Variants in LAMA3 observed in about 807,000 individuals in gnomAD.
LAMA3 encodes the protein laminin subunit alpha-3.
A neutral mutation model predicts 402.0 loss-of-function variants in LAMA3; 281 were observed. The ratio of observed to expected loss-of-function variants is 0.70; its 90% CI spans 0.63 to 0.77. The LOEUF is 0.77. Among genes scored for constraint, LAMA3 ranks in the 30% least tolerant of loss-of-function variants. LAMA3 has a pLI of 0.00. For synonymous variants in LAMA3, 1,431 were observed against 1,558.4 expected, an observed-to-expected ratio of 0.92 and a Z score of 1.93; for missense variants, 3,840 against 4,215.5, an observed-to-expected ratio of 0.91 and a Z score of 2.47.
chr18:23,755,374 C>G (rs2061825382), intron 6 of LAMA3, among the ~76,000 whole-genome samples: 1 of 152,212 alleles, frequency 6.6e-6, no homozygotes. Context: ...TGGTGAAAGG[C>G]TCAGTTTGGC....
rs867930404 is a variant in LAMA3 at position 23,865,006 on chromosome 18, G to T, written c.4683+123G>T. On this transcript the variant is annotated intron_variant, in intron 36 of 74. Coordinates refer to ENST00000313654, the MANE Select transcript of LAMA3 (RefSeq NM_198129.4). Reference sequence around the variant, plus strand: ...TAGATTAAATCATTTCCAATATTTTGCAGAAACTAAATGAAAGTTGAAAGC... The same window carrying T: ...TAGATTAAATCATTTCCAATATTTTTCAGAAACTAAATGAAAGTTGAAAGC... The T allele has an allele frequency of 7.8e-5, 57 of 726,200 alleles. No homozygotes were observed. In the African/African-American group the frequency reaches 9.3e-4, roughly 12 times the overall value. The allele number at this position is 726,200 out of a possible 1,614,324, so 45.0% of individuals were successfully genotyped here. A position where few individuals can be genotyped will look rare whatever the true frequency, so the allele number is the denominator to read the frequency against.
chr18:23,690,331 C>G (rs894153320), intron 1 of LAMA3, among the ~76,000 whole-genome samples: 1 of 152,204 alleles, frequency 6.6e-6, no homozygotes, highest in Non-Finnish European at 1.5e-5. Flanking sequence ...CTTGAGTCCT[C>G]GAGGGTTCAG....
intron 74 of LAMA3, 55 bp from the exon 75 acceptor site, chr18:23,954,448 C>T: frequency 2.3e-6 from 3 of 1,323,874 alleles, no homozygotes; most frequent in Non-Finnish European, 3.3e-6. Context: ...ATCCAGGGAA[C>T]AGTCCCTGGA....
chr18:23,785,209 C>T (rs781536358), intron 12 of LAMA3, among the ~76,000 whole-genome samples: 1 of 152,230 alleles, frequency 6.6e-6, no homozygotes, highest in Admixed American at 6.5e-5. Flanking sequence ...ATCTTATTCA[C>T]ACACTTCCAA....
At chr18:23,853,063 G>T (rs1183192966) in intron 32 of LAMA3, among the ~76,000 whole-genome samples, 1 of 152,008 alleles carries the variant, frequency 6.6e-6, no homozygotes, top group East Asian at 1.9e-4. Context: ...CACATTCTAG[G>T]TCCTGTGTCC....
intron 32 of LAMA3, among the ~76,000 whole-genome samples, chr18:23,849,623 C>T (rs529411138): frequency 1.3e-4 from 20 of 152,316 alleles, no homozygotes; most frequent in African/African-American, 4.1e-4. Context: ...GATGGATTTA[C>T]TGCAGTATTT....
intron 47 of LAMA3, 114 bp downstream of exon 47, chr18:23,899,569 G>C: frequency 9.5e-7 from 1 of 1,050,264 alleles, no homozygotes; most frequent in Non-Finnish European, 1.4e-6. Flanking sequence ...TGGTTTCAGC[G>C]AATATTACTG....
chr18:23,751,741 A>G (rs2061756274), intron 5 of LAMA3, among the ~76,000 whole-genome samples: 1 of 152,200 alleles, frequency 6.6e-6, no homozygotes, highest in Admixed American at 6.5e-5. Flanking sequence ...TGTTGGAGGT[A>G]CACCATGAAC....
At chr18:23,694,661 C>T (rs1469605737) in intron 1 of LAMA3, among the ~76,000 whole-genome samples, 1 of 152,214 alleles carries the variant, frequency 6.6e-6, no homozygotes, top group South Asian at 2.1e-4. Flanking sequence ...GCAGAATTCA[C>T]GCTCTTACCC....
intron 11 of LAMA3, among the ~76,000 whole-genome samples, chr18:23,778,204 C>T (rs2062363802): frequency 6.6e-6 from 1 of 152,108 alleles, no homozygotes; most frequent in Non-Finnish European, 1.5e-5. Context: ...GGGGTGAGTA[C>T]TAGAGGATGT....
Position 23,952,972 on chromosome 18 carries a change from C to T in LAMA3, c.9737-18C>T. ...GGCTCACCTCCGATGATAGACCTAACCAGCCTCCTTTCCCCAGTCACCATA... is the reference window on the plus strand; with the variant it reads ...GGCTCACCTCCGATGATAGACCTAATCAGCCTCCTTTCCCCAGTCACCATA... On this transcript the variant is annotated intron_variant, in intron 73 of 74. Coordinates refer to ENST00000313654, the MANE Select transcript of LAMA3 (RefSeq NM_198129.4). The T allele has an allele frequency of 6.2e-7, 1 of 1,613,930 alleles. No homozygotes were observed. Among genetic ancestry groups the T allele is most frequent in the Non-Finnish European group, 8.5e-7 (1 of 1,179,856 alleles).
At chr18:23,808,069 G>T (rs747478588) in intron 12 of LAMA3, among the ~76,000 whole-genome samples, 3 of 152,082 alleles carry the variant, frequency 2.0e-5, no homozygotes, top group Non-Finnish European at 4.4e-5. Context: ...TGTCTTGTGG[G>T]GGTGCTTTAT....
rs147797639 is a variant in LAMA3 at position 23,769,499 on chromosome 18, C to T, written c.1183-3998C>T. 2.2e-3 allele frequency among the ~76,000 whole-genome samples: 331 copies of T among 152,110 alleles called. 3 individuals are homozygous for T. The highest frequency in any genetic ancestry group is 6.5e-3 in the African/African-American group (270 of 41,496). Reference sequence around the variant, plus strand: ...TATTAACTCTAATTTGACTGTGAGACGTGAAGGATATATATTGTAGTCCCT... The same window carrying T: ...TATTAACTCTAATTTGACTGTGAGATGTGAAGGATATATATTGTAGTCCCT... On this transcript the variant is annotated intron_variant, in intron 8 of 74. Coordinates refer to ENST00000313654, the MANE Select transcript of LAMA3 (RefSeq NM_198129.4).
intron 43 of LAMA3, 141 bp downstream of exon 43, chr18:23,894,489 C>A (rs2145056710): frequency 1.3e-6 from 1 of 763,832 alleles, no homozygotes. Context: ...AGGGTCAAAT[C>A]AGCTTCTCTC....
At chr18:23,712,419 T>G (rs927871354) in intron 1 of LAMA3, among the ~76,000 whole-genome samples, 2 of 151,390 alleles carry the variant, frequency 1.3e-5, no homozygotes, top group Admixed American at 6.6e-5. Context: ...AGCACCATAT[T>G]ATGACAATGC....
intron 47 of LAMA3, chr18:23,899,754 T>G (rs2081005303): frequency 6.3e-6 from 2 of 315,788 alleles, no homozygotes; most frequent in East Asian, 1.6e-4. Flanking sequence ...ATTCACCTCT[T>G]TCCAGTTTTC....
chr18:23,891,772 T>G lies in LAMA3; in HGVS notation c.5410+1655T>G, dbSNP rs533819612. On this transcript the variant is annotated intron_variant, in intron 42 of 74. Transcript: ENST00000313654. The stretch of plus-strand genomic sequence containing the variant: ...GCAGTCAGTGCAGGGTAGGTTAGAG[T>G]GTGGTGTGGCCCCTAAGATAGCTCG... 2.6e-5 allele frequency among the ~76,000 whole-genome samples: 4 copies of G among 152,240 alleles called. No individual in the cohort carries two copies. The South Asian group carries it at 8.3e-4, about 32-fold the overall frequency.
intron 2 of LAMA3, among the ~76,000 whole-genome samples, chr18:23,733,970 T>C (rs1156532862): frequency 1.3e-5 from 2 of 152,260 alleles, no homozygotes; most frequent in Admixed American, 6.5e-5. Flanking sequence ...TTCTGGTTGC[T>C]TCTAATGTAC....
chr18:23,783,573 G>C (rs1350239861), intron 11 of LAMA3, among the ~76,000 whole-genome samples: 2 of 152,210 alleles, frequency 1.3e-5, no homozygotes, highest in Non-Finnish European at 2.9e-5. Context: ...CCAGTGCCGG[G>C]AGGATTAAGT....
Sources: gnomAD v4.1 joint callset for allele counts (sites outside exome capture counted in the v4.1 genomes callset) on GRCh38, gnomAD v4.1.1 for gene constraint, MANE v1.5 for transcripts, NCBI Gene and HGNC (gene_info 2026-07-23, HGNC 2026-07-21) for gene names.